The following CHRM2 variants were observed in gnomAD, a reference collection of about 807,000 sequenced individuals.
The protein encoded by CHRM2 is cholinergic receptor muscarinic 2.
In CHRM2, 8 loss-of-function variants were observed where a neutral mutation model predicts 25.0. The observed-to-expected ratio is 0.32, with a 90% CI of 0.19 to 0.58. The LOEUF (loss-of-function observed/expected upper bound fraction) is 0.58, where lower values mean the gene tolerates loss of function less well. Among genes scored for constraint, CHRM2 ranks in the 20% least tolerant of loss-of-function variants. The pLI is 0.88. For synonymous variants in CHRM2, 202 were observed against 205.7 expected, an observed-to-expected ratio of 0.98 and a Z score of 0.15; for missense variants, 440 against 567.1, an observed-to-expected ratio of 0.78 and a Z score of 2.28.
At chr7:136,990,907 T>C (rs1239587569) in intron 2 of CHRM2, among the ~76,000 whole-genome samples, 2 of 152,152 alleles carry the variant, frequency 1.3e-5, no homozygotes. Context: ...ATCCAGATTA[T>C]GGCCATTCTA....
At chr7:137,001,369 A>G (rs1240809058) in intron 3 of CHRM2, among the ~76,000 whole-genome samples, 1 of 152,204 alleles carries the variant, frequency 6.6e-6, no homozygotes, top group Admixed American at 6.5e-5. Flanking sequence ...TGAGCTTTAC[A>G]GTGGGCTTTG....
chr7:136,941,872 G>A (rs1221326260), intron 2 of CHRM2, among the ~76,000 whole-genome samples: 8 of 152,118 alleles, frequency 5.3e-5, no homozygotes, highest in Non-Finnish European at 1.0e-4. Flanking sequence ...GTAGGGTCTG[G>A]AGTTAGACAG....
chr7:137,009,914 C>G (rs1011916639), intron 3 of CHRM2, among the ~76,000 whole-genome samples: 1 of 151,948 alleles, frequency 6.6e-6, no homozygotes, highest in Admixed American at 6.6e-5. Context: ...CCTTCCCACT[C>G]TTAAGATAGC....
chr7:136,988,293 G>A (rs1192260462), intron 2 of CHRM2, among the ~76,000 whole-genome samples: 1 of 151,870 alleles, frequency 6.6e-6, no homozygotes, highest in Non-Finnish European at 1.5e-5. Flanking sequence ...AAAGGAGTGG[G>A]AAGAGGAGGT....
At position 137,010,571 on chromosome 7, in the gene CHRM2, G is replaced by A. The variant is rs573019020; in HGVS notation, c.-46-4249G>A. On this transcript the variant is annotated intron_variant, in intron 3 of 3. Coordinates refer to ENST00000680005, the MANE Select transcript of CHRM2 (RefSeq NM_001006630.2). ...GCAGGAGGAAACTGCTTTCTTCAGCGGAAGAGGAACGATTCCACATGGCCT... is the reference window on the plus strand; with the variant it reads ...GCAGGAGGAAACTGCTTTCTTCAGCAGAAGAGGAACGATTCCACATGGCCT... Among the ~76,000 whole-genome samples the A allele has an allele frequency of 1.4e-3, 213 of 152,078 alleles. 1 individual carries two copies. Among genetic ancestry groups the A allele is most frequent in the African/African-American group, 4.9e-3 (202 of 41,524 alleles).
At chr7:136,977,488 A>G (rs1802180910) in intron 2 of CHRM2, among the ~76,000 whole-genome samples, 1 of 152,216 alleles carries the variant, frequency 6.6e-6, no homozygotes, top group Admixed American at 6.5e-5. Flanking sequence ...AGTAAAAAGA[A>G]ATGAATAAGT....
intron 3 of CHRM2, among the ~76,000 whole-genome samples, chr7:136,995,862 T>C (rs1039150366): frequency 2.0e-5 from 3 of 151,838 alleles, no homozygotes; most frequent in South Asian, 2.1e-4. Context: ...AGCATGAAAA[T>C]ATAATAAAGA....
At chr7:136,920,026 T>A (rs1202876714) in intron 2 of CHRM2, among the ~76,000 whole-genome samples, 1 of 152,104 alleles carries the variant, frequency 6.6e-6, no homozygotes, top group South Asian at 2.1e-4. Flanking sequence ...GAAAATGCAA[T>A]GTAGTGAAGC....
chr7:137,008,239 C>T (rs1804579329), intron 3 of CHRM2, among the ~76,000 whole-genome samples: 1 of 152,078 alleles, frequency 6.6e-6, no homozygotes, highest in Admixed American at 6.6e-5. Context: ...TCCTTTACTA[C>T]CAACCGCTGG....
At chr7:137,001,527 G>A (rs548079423) in intron 3 of CHRM2, among the ~76,000 whole-genome samples, 79 of 152,186 alleles carry the variant, frequency 5.2e-4, no homozygotes, top group African/African-American at 1.8e-3. Context: ...TGGAACATTT[G>A]AGCTAAGTAT....
At chr7:136,941,030 T>C (rs1327120334) in intron 2 of CHRM2, among the ~76,000 whole-genome samples, 1 of 152,210 alleles carries the variant, frequency 6.6e-6, no homozygotes, top group Admixed American at 6.5e-5. Context: ...ATAAAGATTC[T>C]AGAACAGGGT....
chr7:136,980,708 T>C (rs1441768385), intron 2 of CHRM2, among the ~76,000 whole-genome samples: 1 of 152,166 alleles, frequency 6.6e-6, no homozygotes, highest in African/African-American at 2.4e-5. Context: ...AATAATGTGG[T>C]TTTGTCATTG....
intron 2 of CHRM2, among the ~76,000 whole-genome samples, chr7:136,919,026 T>A (rs946137723): frequency 6.6e-5 from 10 of 152,176 alleles, no homozygotes; most frequent in Admixed American, 6.5e-4. Context: ...TGTAGCTAGC[T>A]ATTTCTAAAG....
chr7:136,888,723 G>T (rs1000499470), intron 2 of CHRM2, among the ~76,000 whole-genome samples: 1 of 152,046 alleles, frequency 6.6e-6, no homozygotes, highest in Non-Finnish European at 1.5e-5. Flanking sequence ...AAACGAGTCA[G>T]GAACTGCAAA....
In CHRM2 at chr7:137,011,215, G is replaced by GTGTGTGTGTATATATATATATATA; in HGVS notation, c.-46-3604_-46-3603insGTGTGTGTATATATATATATATAT. Among the ~76,000 whole-genome samples the GTGTGTGTGTATATATATATATATA allele has an allele frequency of 7.4e-5, 10 of 134,326 alleles. 1 individual carries two copies. The highest frequency in any genetic ancestry group is 3.8e-3 in the Middle Eastern group (1 of 266). 88.1% of individuals were successfully genotyped at this position (134,326 alleles called of 152,430 possible). A position where few individuals can be genotyped will look rare whatever the true frequency, so the allele number is the denominator to read the frequency against. On this transcript the variant is annotated intron_variant, in intron 3 of 3. Transcript: ENST00000680005. ...TGTACGTGTGTGTGTGTGTGTGTGT[G>GTGTGTGTGTATATATATATATATA]TATATATATATATATATATGGATTT...
At chr7:136,960,989 G>A (rs369111376) in intron 2 of CHRM2, among the ~76,000 whole-genome samples, 31 of 152,098 alleles carry the variant, frequency 2.0e-4, no homozygotes, top group African/African-American at 5.3e-4. Flanking sequence ...TTAGCCAGGC[G>A]TGGTGGCAGG....
At chr7:136,911,937 T>C (rs1797865078) in intron 2 of CHRM2, among the ~76,000 whole-genome samples, 1 of 151,946 alleles carries the variant, frequency 6.6e-6, no homozygotes, top group South Asian at 2.1e-4. Flanking sequence ...TTACATATTA[T>C]AACCATATTT....
At chr7:136,985,433 C>T (rs1485529027) in intron 2 of CHRM2, among the ~76,000 whole-genome samples, 2 of 150,026 alleles carry the variant, frequency 1.3e-5, no homozygotes, top group African/African-American at 2.5e-5. Context: ...TCGCTTGAAC[C>T]CGGCAGGCGA....
chr7:137,012,646 A>T (rs1162250782), intron 3 of CHRM2, among the ~76,000 whole-genome samples: 1 of 151,994 alleles, frequency 6.6e-6, no homozygotes, highest in Non-Finnish European at 1.5e-5. Context: ...TTCCATTGTA[A>T]GAGTATTCCA....
Sources: allele counts gnomAD v4.1 joint callset (sites outside exome capture counted in the v4.1 genomes callset), GRCh38; gene constraint gnomAD v4.1.1; transcripts MANE v1.5; gene names NCBI Gene and HGNC (gene_info 2026-07-23, HGNC 2026-07-21).